The following MARCHF1 variants were observed in gnomAD, a reference collection of about 807,000 sequenced individuals.
The protein encoded by MARCHF1 is E3 ubiquitin-protein ligase MARCHF1.
MARCHF1 carries 40 observed loss-of-function variants against 54.2 expected under a neutral mutation model. The observed-to-expected ratio is 0.74, with a 90% confidence interval of 0.57 to 0.96. MARCHF1 has a LOEUF of 0.96. MARCHF1 is among the 40% of genes least tolerant of loss of function. MARCHF1 has a pLI of 0.00. For missense variants in MARCHF1, 586 were observed against 656.5 expected (o/e 0.89, Z 1.17); for synonymous variants, 236 against 236.3 (o/e 1.00, Z 0.01).
chr4:164,151,394 T>C (rs1179335474), intron 1 of MARCHF1, among the ~76,000 whole-genome samples: 2 of 152,180 alleles, frequency 1.3e-5, no homozygotes, highest in Non-Finnish European at 2.9e-5. Context: ...TATCCTTTGT[T>C]CTCAGACAGA....
chr4:164,340,447 T>G (rs1385567726), intron 1 of MARCHF1, among the ~76,000 whole-genome samples: 4 of 105,136 alleles, frequency 3.8e-5, no homozygotes, highest in African/African-American at 6.3e-5. Context: ...TTTGTTTGTT[T>G]GAGACTGAGT....
chr4:163,801,421 T>C (rs969228897), intron 4 of MARCHF1, among the ~76,000 whole-genome samples: 1 of 152,084 alleles, frequency 6.6e-6, no homozygotes, highest in African/African-American at 2.4e-5. Context: ...TTTTCTGAAA[T>C]TCTTTAAGTA....
chr4:164,291,821 T>C (rs1734290582), intron 1 of MARCHF1, among the ~76,000 whole-genome samples: 1 of 152,048 alleles, frequency 6.6e-6, no homozygotes, highest in Admixed American at 6.6e-5. Context: ...GAGTTGGTTG[T>C]TGTTGGAAGC....
intron 8 of MARCHF1, among the ~76,000 whole-genome samples, chr4:163,574,277 T>G (rs1739958350): frequency 2.0e-5 from 3 of 152,174 alleles, no homozygotes; most frequent in African/African-American, 7.2e-5. Context: ...CTGTTCACTC[T>G]GATGGTAGTT....
intron 8 of MARCHF1, among the ~76,000 whole-genome samples, chr4:163,577,802 G>A (rs184695652): frequency 1.7e-3 from 264 of 151,550 alleles, no homozygotes; most frequent in African/African-American, 6.1e-3. Flanking sequence ...CCTTATTTTT[G>A]TCTAACTGGG....
At chr4:163,850,777 T>C (rs564942197) in intron 4 of MARCHF1, among the ~76,000 whole-genome samples, 6 of 152,282 alleles carry the variant, frequency 3.9e-5, no homozygotes, top group African/African-American at 1.2e-4. Context: ...TCAAAAGAGA[T>C]TGGAAAACAA....
intron 4 of MARCHF1, among the ~76,000 whole-genome samples, chr4:163,847,228 C>T (rs1191169069): frequency 2.0e-5 from 3 of 151,928 alleles, no homozygotes; most frequent in Non-Finnish European, 2.9e-5. Context: ...CTTGATCTTT[C>T]GTTTTGTAAG....
chr4:163,747,084 T>A (rs933860240), intron 4 of MARCHF1, among the ~76,000 whole-genome samples: 5 of 152,176 alleles, frequency 3.3e-5, no homozygotes, highest in Admixed American at 6.5e-5. Context: ...GAGAGAAATG[T>A]ATAATCTGCA....
chr4:163,653,560 G>C (rs1256627573), intron 5 of MARCHF1, among the ~76,000 whole-genome samples: 3 of 151,624 alleles, frequency 2.0e-5, no homozygotes, highest in Non-Finnish European at 4.4e-5. Flanking sequence ...TGATAGAGGA[G>C]GTGAAAAGTG....
intron 3 of MARCHF1, among the ~76,000 whole-genome samples, chr4:163,966,979 A>G (rs1414156888): frequency 6.6e-6 from 1 of 152,148 alleles, no homozygotes; most frequent in Non-Finnish European, 1.5e-5. Context: ...GGGCTTTTAA[A>G]AAACCAAACA....
chr4:163,896,729 A>C (rs1750815416), intron 3 of MARCHF1, among the ~76,000 whole-genome samples: 1 of 152,166 alleles, frequency 6.6e-6, no homozygotes, highest in African/African-American at 2.4e-5. Flanking sequence ...GTGCTTGTAA[A>C]AGAGAATTGA....
intron 2 of MARCHF1, among the ~76,000 whole-genome samples, chr4:164,092,218 C>T (rs1755320024): frequency 6.6e-6 from 1 of 152,114 alleles, no homozygotes; most frequent in Non-Finnish European, 1.5e-5. Context: ...TCCCTTCCAT[C>T]ATGATGTGAA....
chr4:164,268,866 G>A (rs1733675018), intron 1 of MARCHF1, among the ~76,000 whole-genome samples: 1 of 152,100 alleles, frequency 6.6e-6, no homozygotes, highest in Non-Finnish European at 1.5e-5. Context: ...GCAATAAGAA[G>A]CCTCAGCAAC....
intron 1 of MARCHF1, among the ~76,000 whole-genome samples, chr4:164,253,679 T>C (rs1733188227): frequency 6.6e-6 from 1 of 152,138 alleles, no homozygotes; most frequent in Non-Finnish European, 1.5e-5. Context: ...ACGTGGACAT[T>C]GATTCTAGAG....
chr4:163,803,337 C>T (rs1188038992), intron 4 of MARCHF1, among the ~76,000 whole-genome samples: 1 of 152,044 alleles, frequency 6.6e-6, no homozygotes, highest in Non-Finnish European at 1.5e-5. Flanking sequence ...CCACGCCTGG[C>T]TAATTTTGTA....
At chr4:164,172,645 A>AT (rs1308111183) in intron 1 of MARCHF1, among the ~76,000 whole-genome samples, 3 of 152,160 alleles carry the variant, frequency 2.0e-5, no homozygotes, top group Non-Finnish European at 4.4e-5. Context: ...TAAAAGAATT[A>AT]TTTTTTTGTG....
intron 1 of MARCHF1, among the ~76,000 whole-genome samples, chr4:164,195,882 T>C (rs936630000): frequency 6.8e-6 from 1 of 146,418 alleles, no homozygotes; most frequent in Non-Finnish European, 1.5e-5. Flanking sequence ...AAGTGAGTTA[T>C]TGGGACTTAA....
intron 3 of MARCHF1, among the ~76,000 whole-genome samples, chr4:163,972,979 T>A (rs1033406475): frequency 3.9e-5 from 6 of 152,228 alleles, no homozygotes; most frequent in Non-Finnish European, 5.9e-5. Context: ...GCACTGAAAT[T>A]AATCAGTCTA....
chr4:163,683,925 ACTCACT>A (rs1744188106), intron 5 of MARCHF1, among the ~76,000 whole-genome samples: 1 of 151,240 alleles, frequency 6.6e-6, no homozygotes, highest in Non-Finnish European at 1.5e-5. Context: ...TCACTCACTC[ACTCACT>A]CACACGTCTA....
Sources: gnomAD v4.1 joint callset for allele counts (sites outside exome capture counted in the v4.1 genomes callset) on GRCh38, gnomAD v4.1.1 for gene constraint, MANE v1.5 for transcripts, NCBI Gene and HGNC (gene_info 2026-07-23, HGNC 2026-07-21) for gene names.